FNDC3B: variants seen among roughly 807,000 people sequenced by gnomAD.
FNDC3B encodes fibronectin type III domain-containing protein 3B.
Under a neutral mutation model 151.5 loss-of-function variants are expected in FNDC3B, and 12 were observed. The ratio of observed to expected loss-of-function variants is 0.08; its 90% CI spans 0.05 to 0.13. The LOEUF is 0.13. FNDC3B is among the 10% of genes least tolerant of loss of function. The probability of loss-of-function intolerance (pLI) is 1.00; values close to 1 mark genes in which losing one functional copy is unlikely to be tolerated. For missense variants in FNDC3B, 1,214 were observed against 1,505.3 expected, an observed-to-expected ratio of 0.81 and a Z score of 3.20; for synonymous variants, 528 against 549.0, an observed-to-expected ratio of 0.96 and a Z score of 0.54.
chr3:172,316,701 A>G (rs1252237889), intron 11 of FNDC3B, among the ~76,000 whole-genome samples: 1 of 152,240 alleles, frequency 6.6e-6, no homozygotes, highest in Non-Finnish European at 1.5e-5. Context: ...GAACAAATAC[A>G]GGTCACCTAA....
chr3:172,174,895 G>T, intron 3 of FNDC3B, among the ~76,000 whole-genome samples: 1 of 137,212 alleles, frequency 7.3e-6, no homozygotes, highest in Admixed American at 7.9e-5. Context: ...TAGCCAAATT[G>T]CTGATTCTCT....
intron 2 of FNDC3B, among the ~76,000 whole-genome samples, chr3:172,124,044 G>A (rs867686965): frequency 1.3e-5 from 2 of 152,026 alleles, no homozygotes; most frequent in Non-Finnish European, 2.9e-5. Context: ...TGGTTTACTC[G>A]GGATGAGAGT....
chr3:172,354,713 GC>G (rs1734006917), intron 22 of FNDC3B, among the ~76,000 whole-genome samples: 1 of 151,754 alleles, frequency 6.6e-6, no homozygotes, highest in Non-Finnish European at 1.5e-5. Flanking sequence ...TATAATTTTG[GC>G]CCAATCAACT....
chr3:172,338,525 G>A (rs1221675966), intron 16 of FNDC3B, among the ~76,000 whole-genome samples: 1 of 152,012 alleles, frequency 6.6e-6, no homozygotes, highest in African/African-American at 2.4e-5. Flanking sequence ...TTTGCTTCAG[G>A]TTTTTGTTAC....
At chr3:172,183,441 G>T (rs987960753) in intron 3 of FNDC3B, among the ~76,000 whole-genome samples, 1 of 152,184 alleles carries the variant, frequency 6.6e-6, no homozygotes, top group Admixed American at 6.5e-5. Flanking sequence ...TGGCTCTTGA[G>T]AGAGGGAACT....
Position 172,346,551 on chromosome 3 carries a change from T to TTTTTC in FNDC3B, c.2364+115_2364+116insCTTTT, listed in dbSNP as rs1304346173. The stretch of plus-strand genomic sequence containing the variant: ...CAAAATGCACATATAGATGATTTTT[T>TTTTTC]TTTTTTTTTTGCTCTGTGTACTATA... On this transcript the variant is annotated intron_variant, in intron 20 of 25. Transcript: ENST00000415807. 4.8e-6 allele frequency: 3 copies of TTTTTC among 621,540 alleles called. No individual in the cohort carries two copies. In the East Asian group the frequency reaches 8.4e-5, roughly 17 times the overall value. 38.5% of individuals were successfully genotyped at this position (621,540 alleles called of 1,614,324 possible).
intron 3 of FNDC3B, among the ~76,000 whole-genome samples, chr3:172,149,306 A>G (rs1722089904): frequency 6.6e-6 from 1 of 152,252 alleles, no homozygotes; most frequent in Non-Finnish European, 1.5e-5. Flanking sequence ...CTTTAAATGA[A>G]GACACCTAAC....
intron 6 of FNDC3B, among the ~76,000 whole-genome samples, chr3:172,281,379 G>A (rs1038750071): frequency 2.6e-5 from 4 of 152,070 alleles, no homozygotes; most frequent in Non-Finnish European, 4.4e-5. Flanking sequence ...TGAGTAGTTG[G>A]GATTGCAGGT....
chr3:172,388,466 A>G (rs1735839998), intron 25 of FNDC3B, among the ~76,000 whole-genome samples: 1 of 152,200 alleles, frequency 6.6e-6, no homozygotes, highest in Admixed American at 6.5e-5. Context: ...TACTTCAATA[A>G]AAAAAATCTC....
chr3:172,181,408 AAAAAAAC>A (rs1354491578), intron 3 of FNDC3B, among the ~76,000 whole-genome samples: 48 of 145,104 alleles, frequency 3.3e-4, no homozygotes, highest in African/African-American at 1.1e-3. Flanking sequence ...AAAAAAAAAA[AAAAAAAC>A]AAAAAAAAAC....
chr3:172,145,014 T>C (rs1431133587), intron 3 of FNDC3B, among the ~76,000 whole-genome samples: 18 of 152,108 alleles, frequency 1.2e-4, no homozygotes. Context: ...TTTTTTTTTT[T>C]CTATTTGAAG....
intron 1 of FNDC3B, among the ~76,000 whole-genome samples, chr3:172,092,664 C>T (rs1050924896): frequency 5.3e-5 from 8 of 152,142 alleles, no homozygotes; most frequent in South Asian, 2.1e-4. Flanking sequence ...TTAAGTAGCA[C>T]GACCTGGACA....
At chr3:172,102,769 C>T (rs1327634873) in intron 1 of FNDC3B, among the ~76,000 whole-genome samples, 2 of 152,176 alleles carry the variant, frequency 1.3e-5, no homozygotes, top group African/African-American at 2.4e-5. Context: ...TGTCTCTTTC[C>T]ACCTCCCCGT....
intron 3 of FNDC3B, among the ~76,000 whole-genome samples, chr3:172,145,728 T>C (rs538944410): frequency 2.0e-5 from 3 of 152,316 alleles, no homozygotes; most frequent in Admixed American, 6.5e-5. Flanking sequence ...ATGCTAGAAC[T>C]GAGCTTGTGT....
intron 1 of FNDC3B, among the ~76,000 whole-genome samples, chr3:172,063,137 A>AT (rs1310744270): frequency 6.6e-6 from 1 of 151,874 alleles, no homozygotes; most frequent in Non-Finnish European, 1.5e-5. Flanking sequence ...GCAAGTCTTG[A>AT]TTTTTTTGTA....
At chr3:172,212,534 A>G (rs911088436) in intron 3 of FNDC3B, among the ~76,000 whole-genome samples, 6 of 152,240 alleles carry the variant, frequency 3.9e-5, no homozygotes, top group African/African-American at 1.4e-4. Flanking sequence ...AAAAAGGCCT[A>G]GAAATTTTGA....
At chr3:172,270,408 C>G (rs1031946095) in intron 6 of FNDC3B, among the ~76,000 whole-genome samples, 3 of 152,252 alleles carry the variant, frequency 2.0e-5, no homozygotes, top group Non-Finnish European at 2.9e-5. Flanking sequence ...CTCCAGTTCT[C>G]TGTGCCCTTG....
chr3:172,235,024 C>T (rs1015784908), intron 4 of FNDC3B, among the ~76,000 whole-genome samples: 1 of 152,116 alleles, frequency 6.6e-6, no homozygotes. Flanking sequence ...AACCCACTGA[C>T]AGACTGGGGA....
rs138838939 is a variant in FNDC3B, at chr3:172,043,819, G to A, written c.-29+4048G>A. 1.1e-3 allele frequency among the ~76,000 whole-genome samples: 161 copies of A among 152,246 alleles called. 1 individual carries two copies. The highest frequency in any genetic ancestry group is 3.7e-3 in the African/African-American group (154 of 41,526). On this transcript the variant is annotated intron_variant, in intron 1 of 25. Coordinates refer to ENST00000415807, the MANE Select transcript of FNDC3B (RefSeq NM_022763.4). ...TTTTTTGGTTTAATATAGGAATTGT[G>A]CATAGGAATTGCTGAAAAAGTAGTC...
Sources: allele counts gnomAD v4.1 joint callset (sites outside exome capture counted in the v4.1 genomes callset), GRCh38; gene constraint gnomAD v4.1.1; transcripts MANE v1.5; gene names NCBI Gene and HGNC (gene_info 2026-07-23, HGNC 2026-07-21).